SLC5A3: variants seen among roughly 807,000 people sequenced by gnomAD.
SLC5A3 encodes solute carrier family 5 member 3, also known as sodium/myo-inositol cotransporter.
Under a neutral mutation model 43.2 loss-of-function variants are expected in SLC5A3, and 10 were observed. That is an observed-to-expected ratio of 0.23 (90% CI 0.14 to 0.39). The LOEUF is 0.39. SLC5A3 is among the 10% of genes least tolerant of loss of function. The pLI is 1.00. For synonymous variants in SLC5A3, 349 were observed against 322.0 expected (o/e 1.08, Z -0.90); for missense variants, 608 against 893.4 (o/e 0.68, Z 4.07).
chr21:34,092,658 A>G (rs897536766), intron 1 of SLC5A3, among the ~76,000 whole-genome samples: 2 of 152,232 alleles, frequency 1.3e-5, no homozygotes, highest in African/African-American at 4.8e-5. Flanking sequence ...TACTGATAGT[A>G]ACAGTGCTTC....
chr21:34,102,790 C>A lies in SLC5A3; in HGVS notation c.*5435C>A. ...TCTATACCACTGAAAAGCACTATAA[C>A]ATAATTGTTGTCCATGATACTGAAG... On this transcript the variant is annotated 3_prime_UTR_variant, in exon 2 of 2. Transcript: ENST00000381151. 8.0e-6 allele frequency: 8 copies of A among 1,000,044 alleles called. No individual in the cohort carries two copies. Among genetic ancestry groups the A allele is most frequent in the Non-Finnish European group, 9.6e-6 (8 of 829,810 alleles). 61.9% of individuals were successfully genotyped at this position (1,000,044 alleles called of 1,614,324 possible).
chr21:34,079,108 G>T (rs1375864693), intron 1 of SLC5A3, among the ~76,000 whole-genome samples: 3 of 152,222 alleles, frequency 2.0e-5, no homozygotes, highest in Non-Finnish European at 4.4e-5. Context: ...TTGGCAGCCT[G>T]TGGCTTCCGG....
chr21:34,105,388 C>A lies in SLC5A3; in HGVS notation c.*8033C>A, dbSNP rs1360495677. ...GTCTTCTTCAAGAAGAAAACCAATT[C>A]TTTTTCTAATAATATCCTGTGAAAT... On this transcript the variant is annotated 3_prime_UTR_variant, in exon 2 of 2. Transcript: ENST00000381151. 3.0e-6 allele frequency: 3 copies of A among 999,002 alleles called. No individual in the cohort carries two copies. The highest frequency in any genetic ancestry group is 1.7e-5 in the African/African-American group (1 of 57,204). The allele number at this position is 999,002 out of a possible 1,614,324, so 61.9% of individuals were successfully genotyped here. A position where few individuals can be genotyped will look rare whatever the true frequency, so the allele number is the denominator to read the frequency against.
At position 34,103,822 on chromosome 21, in the gene SLC5A3, A is replaced by G; in HGVS notation, c.*6467A>G. The stretch of plus-strand genomic sequence containing the variant: ...GAGGGAGAGAATATAAATGTCAAGA[A>G]TGCCAAAATTATATTTGGGGGTTAC... On this transcript the variant is annotated 3_prime_UTR_variant, in exon 2 of 2. Coordinates refer to ENST00000381151, the MANE Select transcript of SLC5A3 (RefSeq NM_006933.7). 1.0e-6 allele frequency: 1 copy of G among 1,000,186 alleles called. No individual in the cohort carries two copies. The highest frequency in any genetic ancestry group is 1.2e-6 in the Non-Finnish European group (1 of 829,940). 62.0% of individuals were successfully genotyped at this position (1,000,186 alleles called of 1,614,324 possible).
Position 34,103,385 on chromosome 21 carries a change from C to A in SLC5A3, c.*6030C>A. 2.0e-6 allele frequency: 2 copies of A among 995,036 alleles called. No homozygotes were observed. The highest frequency in any genetic ancestry group is 2.4e-6 in the Non-Finnish European group (2 of 827,468). The allele number at this position is 995,036 out of a possible 1,614,324, so 61.6% of individuals were successfully genotyped here. On this transcript the variant is annotated 3_prime_UTR_variant, in exon 2 of 2. Coordinates refer to ENST00000381151, the MANE Select transcript of SLC5A3 (RefSeq NM_006933.7). The stretch of plus-strand genomic sequence containing the variant: ...CAGCCTTTATTTAGGTTCAGTGAAA[C>A]CAGGTAGTTCTGTATTTGTGTTGTA...
chr21:34,082,350 G>A (rs917717532), intron 1 of SLC5A3, among the ~76,000 whole-genome samples: 1 of 152,102 alleles, frequency 6.6e-6, no homozygotes, highest in Admixed American at 6.5e-5. Context: ...ATACATGTAG[G>A]CTTCAGAGCT....
rs1979106041 is a variant in SLC5A3 at position 34,099,016 on chromosome 21, ATAAAC to A, written c.*1664_*1668del. On this transcript the variant is annotated 3_prime_UTR_variant, in exon 2 of 2. Coordinates refer to ENST00000381151, the MANE Select transcript of SLC5A3 (RefSeq NM_006933.7). ...AGTCTTTTTAATTTTTTTGTAGTCT[ATAAAC>A]TAGTTTCATTATGATGGACTTGATT... The A allele has an allele frequency of 1.0e-6, 1 of 990,756 alleles. No individual in the cohort carries two copies. The highest frequency in any genetic ancestry group is 4.7e-5 in the South Asian group (1 of 21,138). 61.4% of individuals were successfully genotyped at this position (990,756 alleles called of 1,614,324 possible).
chr21:34,103,569 A>G lies in SLC5A3; in HGVS notation c.*6214A>G, dbSNP rs1447742127. ...ATGATAGAAAGCTAAAGTCCATAGA[A>G]AGCACAAAATCGTGTTCACACATTA... On this transcript the variant is annotated 3_prime_UTR_variant, in exon 2 of 2. Transcript: ENST00000381151. The G allele has an allele frequency of 1.0e-6, 1 of 1,000,110 alleles. No individual in the cohort carries two copies. The highest frequency in any genetic ancestry group is 1.1e-4 in the East Asian group (1 of 8,834). The allele number at this position is 1,000,110 out of a possible 1,614,324, so 62.0% of individuals were successfully genotyped here.
chr21:34,102,303 C>T lies in SLC5A3; in HGVS notation c.*4948C>T. 1 of 998,794 alleles carries T rather than the reference C, an allele frequency of 1.0e-6. No homozygotes were observed. The allele number at this position is 998,794 out of a possible 1,614,324, so 61.9% of individuals were successfully genotyped here. On this transcript the variant is annotated 3_prime_UTR_variant, in exon 2 of 2. Transcript: ENST00000381151. ...AATGTTTTTATTTAAACTTCTCTCT[C>T]TTCAATGCTGAGAATAAGGCTTTAA...
At chr21:34,077,063 C>G (rs150312308) in intron 1 of SLC5A3, among the ~76,000 whole-genome samples, 3 of 152,172 alleles carry the variant, frequency 2.0e-5, no homozygotes, top group South Asian at 2.1e-4. Context: ...CCCTGCCCCC[C>G]CTGCAATGAG....
intron 1 of SLC5A3, among the ~76,000 whole-genome samples, chr21:34,074,927 C>T (rs867367856): frequency 6.6e-6 from 1 of 152,078 alleles, no homozygotes; most frequent in African/African-American, 2.4e-5. Context: ...ACGCCAGTGC[C>T]TCTCTATGAG....
In SLC5A3 at chr21:34,103,331, A is replaced by C; in HGVS notation, c.*5976A>C. On this transcript the variant is annotated 3_prime_UTR_variant, in exon 2 of 2. Coordinates refer to ENST00000381151, the MANE Select transcript of SLC5A3 (RefSeq NM_006933.7). ...TGAAGGAAGTAAAAAAAAAAAAAAA[A>C]CATGCATTACATTGACATACTTTAT... 1.0e-6 allele frequency: 1 copy of C among 994,954 alleles called. No individual in the cohort carries two copies. 61.6% of individuals were successfully genotyped at this position (994,954 alleles called of 1,614,324 possible).
intron 1 of SLC5A3, among the ~76,000 whole-genome samples, chr21:34,087,613 G>T (rs1482021721): frequency 6.6e-6 from 1 of 152,196 alleles, no homozygotes; most frequent in African/African-American, 2.4e-5. Flanking sequence ...TTACTTTTGT[G>T]CAAAGACGTA....
Position 34,096,842 on chromosome 21 carries a change from TAAG to T in SLC5A3, c.1650_1652del (p.Lys550del). ...AGATTCGAACCACCACCTTTTGGTC[TAAG>T]AAGAACCTGGTGGTGAAGGAGAACT... On this transcript the variant is annotated inframe_deletion, in exon 2 of 2. Coordinates refer to ENST00000381151, the MANE Select transcript of SLC5A3 (RefSeq NM_006933.7). This position sits in a 1 kb window ranked among gnomAD's most constrained non-coding sequence, Gnocchi z 5.9. The T allele has an allele frequency of 6.2e-7, 1 of 1,614,018 alleles. No homozygotes were observed. Among genetic ancestry groups the T allele is most frequent in the Non-Finnish European group, 8.5e-7 (1 of 1,179,972 alleles).
In SLC5A3 at chr21:34,102,555, A is replaced by G. The variant is rs1979292896; in HGVS notation, c.*5200A>G. ...TATCATTGCTAATCTTGTGCACTTT[A>G]CTTTTTGGGCAGTACCATACATAGT... On this transcript the variant is annotated 3_prime_UTR_variant, in exon 2 of 2. Transcript: ENST00000381151. 1.0e-6 allele frequency: 1 copy of G among 999,824 alleles called. No homozygotes were observed. Among genetic ancestry groups the G allele is most frequent in the Non-Finnish European group, 1.2e-6 (1 of 829,708 alleles). 61.9% of individuals were successfully genotyped at this position (999,824 alleles called of 1,614,324 possible). A position where few individuals can be genotyped will look rare whatever the true frequency, so the allele number is the denominator to read the frequency against.
At chr21:34,093,578 T>G (rs1978817773) in intron 1 of SLC5A3, among the ~76,000 whole-genome samples, 1 of 151,670 alleles carries the variant, frequency 6.6e-6, no homozygotes, top group Non-Finnish European at 1.5e-5. Context: ...GGAAAATGCC[T>G]AGAATCATCA....
chr21:34,086,517 T>TGTGTG (rs1978388281), intron 1 of SLC5A3, among the ~76,000 whole-genome samples: 8 of 148,384 alleles, frequency 5.4e-5, no homozygotes, highest in African/African-American at 2.0e-4. Flanking sequence ...TAGTTTGTGT[T>TGTGTG]TGTGTGTGTG....
Position 34,104,044 on chromosome 21 carries a change from A to C in SLC5A3, c.*6689A>C, listed in dbSNP as rs767076797. On this transcript the variant is annotated 3_prime_UTR_variant, in exon 2 of 2. Coordinates refer to ENST00000381151, the MANE Select transcript of SLC5A3 (RefSeq NM_006933.7). ...ACAGTGCCCCCCCAAACATGCAGAA[A>C]GTCATACTTTAACAGGGCAAATACT... The C allele has an allele frequency of 1.0e-6, 1 of 1,000,152 alleles. No individual in the cohort carries two copies. Among genetic ancestry groups the C allele is most frequent in the Non-Finnish European group, 1.2e-6 (1 of 829,924 alleles). The allele number at this position is 1,000,152 out of a possible 1,614,324, so 62.0% of individuals were successfully genotyped here. A position where few individuals can be genotyped will look rare whatever the true frequency, so the allele number is the denominator to read the frequency against.
intron 1 of SLC5A3, among the ~76,000 whole-genome samples, chr21:34,087,323 A>G (rs2834375): frequency 0.28 from 41,904 of 152,092 alleles, 6,828 homozygotes; most frequent in Non-Finnish European, 0.37. Context: ...GTTGATGGTA[A>G]TATAGGATAT....
Sources: allele counts gnomAD v4.1 joint callset (sites outside exome capture counted in the v4.1 genomes callset), GRCh38; gene constraint gnomAD v4.1.1; non-coding constraint Gnocchi (gnomAD v3.1); transcripts MANE v1.5; gene names NCBI Gene and HGNC (gene_info 2026-07-23, HGNC 2026-07-21).